Variants in SOX5 observed in about 807,000 individuals in gnomAD.
SOX5 encodes the protein SRY-box transcription factor 5.
In SOX5, 9 loss-of-function variants were observed where a neutral mutation model predicts 92.0. That is an observed-to-expected ratio of 0.10 (90% CI 0.06 to 0.17). SOX5 has a LOEUF of 0.17. SOX5 is among the 10% of genes least tolerant of loss of function. The probability of loss-of-function intolerance (pLI) is 1.00; values close to 1 mark genes in which losing one functional copy is unlikely to be tolerated. For missense variants in SOX5, 642 were observed against 944.5 expected (o/e 0.68, Z 4.20); for synonymous variants, 344 against 336.3 (o/e 1.02, Z -0.25).
intron 1 of SOX5, among the ~76,000 whole-genome samples, chr12:24,454,956 T>C (rs1030554464): frequency 2.0e-5 from 3 of 152,208 alleles, no homozygotes; most frequent in African/African-American, 2.4e-5. Flanking sequence ...GATGATTATA[T>C]GCTGTTTGAC....
chr12:24,456,943 G>A (rs568430686), intron 1 of SOX5, among the ~76,000 whole-genome samples: 8 of 152,192 alleles, frequency 5.3e-5, no homozygotes, highest in East Asian at 1.9e-4. Context: ...ACATTCTTAC[G>A]GCTGTGTAGC....
chr12:24,189,691 C>A (rs1375093090), intron 4 of SOX5, among the ~76,000 whole-genome samples: 1 of 152,110 alleles, frequency 6.6e-6, no homozygotes, highest in Non-Finnish European at 1.5e-5. Context: ...AGTTCTTACC[C>A]TCAGATCCCT....
At chr12:23,989,387 C>G (rs1477793331) in intron 4 of SOX5, among the ~76,000 whole-genome samples, 2 of 145,850 alleles carry the variant, frequency 1.4e-5, no homozygotes, top group Non-Finnish European at 3.0e-5. Flanking sequence ...AGTGAGACCT[C>G]ATATCAATCA....
At chr12:24,454,287 A>G (rs575191161) in intron 1 of SOX5, among the ~76,000 whole-genome samples, 4 of 152,332 alleles carry the variant, frequency 2.6e-5, no homozygotes, top group Admixed American at 2.0e-4. Flanking sequence ...CAGCATCACA[A>G]TCCCACTTAA....
intron 4 of SOX5, among the ~76,000 whole-genome samples, chr12:24,091,570 C>T (rs1419549773): frequency 1.3e-5 from 2 of 151,634 alleles, no homozygotes; most frequent in African/African-American, 2.4e-5. Context: ...GCTGGGATTA[C>T]AGGCACACAC....
intron 3 of SOX5, among the ~76,000 whole-genome samples, chr12:24,259,527 C>A (rs1326087302): frequency 6.6e-6 from 1 of 152,080 alleles, no homozygotes; most frequent in East Asian, 1.9e-4. Context: ...TTACTGAAGA[C>A]AGAATTTTGA....
intron 6 of SOX5, among the ~76,000 whole-genome samples, chr12:23,695,572 G>A (rs1033369986): frequency 6.6e-6 from 1 of 152,120 alleles, no homozygotes; most frequent in African/African-American, 2.4e-5. Flanking sequence ...TAATGAATTT[G>A]TAGTAGAAAA....
chr12:23,728,653 T>C (rs2093264892), intron 6 of SOX5, among the ~76,000 whole-genome samples: 1 of 152,312 alleles, frequency 6.6e-6, no homozygotes, highest in African/African-American at 2.4e-5. Context: ...CACAAATTGG[T>C]TGAGCCCATG....
chr12:23,868,071 C>T (rs1445716185), intron 2 of SOX5, among the ~76,000 whole-genome samples: 3 of 151,406 alleles, frequency 2.0e-5, no homozygotes, highest in Admixed American at 1.3e-4. Context: ...CTCCCTCCCT[C>T]ACTCCCTCTC....
intron 6 of SOX5, among the ~76,000 whole-genome samples, chr12:23,708,740 A>C (rs2091727027): frequency 6.6e-6 from 1 of 152,222 alleles, no homozygotes; most frequent in Admixed American, 6.5e-5. Context: ...ATACACGCAC[A>C]ACGTTATAGA....
At chr12:23,706,643 G>C (rs925417197) in intron 6 of SOX5, among the ~76,000 whole-genome samples, 4 of 151,876 alleles carry the variant, frequency 2.6e-5, no homozygotes, top group African/African-American at 9.7e-5. Context: ...ATTCAAAATA[G>C]GGCTAAAATT....
Position 23,536,338 on chromosome 12 carries a change from G to C in SOX5, c.1988+115C>G. 3.7e-6 allele frequency: 3 copies of C among 801,926 alleles called. No homozygotes were observed. In the South Asian group the frequency reaches 5.0e-5, roughly 13 times the overall value. 49.7% of individuals were successfully genotyped at this position (801,926 alleles called of 1,614,324 possible). ...GAGACTATTTGTCTCTGAAAATACT[G>C]TGAGCTCAGATTCTTTTTCAAAATG... On this transcript the variant is annotated intron_variant, in intron 14 of 14. Transcript: ENST00000451604.
At chr12:24,290,011 A>G (rs1186412212) in intron 2 of SOX5, among the ~76,000 whole-genome samples, 1 of 152,082 alleles carries the variant, frequency 6.6e-6, no homozygotes. Context: ...AAACGCTAAT[A>G]CCTTGTCTAC....
At chr12:23,566,900 T>G (rs1947207104) in intron 10 of SOX5, among the ~76,000 whole-genome samples, 1 of 152,232 alleles carries the variant, frequency 6.6e-6, no homozygotes, top group African/African-American at 2.4e-5. Flanking sequence ...CAAATTTTAA[T>G]GCTCAATCTA....
At chr12:23,848,076 CAGA>C (rs995797053) in intron 2 of SOX5, among the ~76,000 whole-genome samples, 2 of 152,132 alleles carry the variant, frequency 1.3e-5, no homozygotes, top group Non-Finnish European at 2.9e-5. Flanking sequence ...TAATTTTCCA[CAGA>C]AGATCTTCCT....
At chr12:24,051,937 A>G (rs1957598202) in intron 4 of SOX5, among the ~76,000 whole-genome samples, 1 of 152,190 alleles carries the variant, frequency 6.6e-6, no homozygotes, top group South Asian at 2.1e-4. Context: ...AAAGATTATC[A>G]ATATCCATTT....
intron 1 of SOX5, among the ~76,000 whole-genome samples, chr12:23,942,426 A>C (rs1943823299): frequency 1.3e-5 from 2 of 151,902 alleles, no homozygotes; most frequent in African/African-American, 4.8e-5. Context: ...TTCTGAAATA[A>C]ATTTTGATTA....
chr12:24,503,783 A>G (rs923249976), intron 1 of SOX5, among the ~76,000 whole-genome samples: 4 of 152,170 alleles, frequency 2.6e-5, no homozygotes, highest in African/African-American at 9.7e-5. Context: ...ATGAGAACAC[A>G]TGGACACAGG....
chr12:24,353,931 G>A (rs951923984), intron 2 of SOX5, among the ~76,000 whole-genome samples: 10 of 152,134 alleles, frequency 6.6e-5, no homozygotes, highest in African/African-American at 2.2e-4. Context: ...GAGCCACCAC[G>A]CCCGGCCACC....
Sources: gnomAD v4.1 joint callset for allele counts (sites outside exome capture counted in the v4.1 genomes callset) on GRCh38, gnomAD v4.1.1 for gene constraint, MANE v1.5 for transcripts, NCBI Gene and HGNC (gene_info 2026-07-23, HGNC 2026-07-21) for gene names.